Variants in FZD7 observed in about 807,000 individuals in gnomAD.
FZD7 encodes frizzled-7.
FZD7 carries 21 observed loss-of-function variants against 39.0 expected under a neutral mutation model. The ratio of observed to expected loss-of-function variants is 0.54; its 90% CI spans 0.38 to 0.78. The LOEUF is 0.78. Ranked by LOEUF, FZD7 falls within the 30% of genes least tolerant of loss-of-function variation. The pLI is 0.00. For missense variants in FZD7, 695 were observed against 805.0 expected (o/e 0.86, Z 1.65); for synonymous variants, 428 against 364.9 (o/e 1.17, Z -1.97).
Position 202,035,045 on chromosome 2 carries a change from C to T in FZD7, c.398C>T (p.Ala133Val). 6.2e-7 allele frequency: 1 copy of T among 1,612,902 alleles called. No homozygotes were observed. The highest frequency in any genetic ancestry group is 8.5e-7 in the Non-Finnish European group (1 of 1,179,786). Residue 133 changes from alanine (A) to valine (V), a missense_variant, in exon 1 of 1, where the codon GCG becomes GTG. Coordinates refer to ENST00000286201, the MANE Select transcript of FZD7 (RefSeq NM_003507.2). ...GAGCGCGCCCGCCAGGGCTGCGAGG[C>T]GCTCATGAACAAGTTCGGCTTCCAG... ...LCERARQGCE[A>V]LMNKFGFQWP...
rs576751377 is a variant in FZD7, at chr2:202,038,063, T to G, written c.*1691T>G. On this transcript the variant is annotated 3_prime_UTR_variant, in exon 1 of 1. Transcript: ENST00000286201. ...ACTATCCTGTTTCTCAGAACAGTTT[T>G]TAAATGCCAATCATAGAGGGTACTG... 6.0e-6 allele frequency: 1 copy of G among 167,216 alleles called. No homozygotes were observed. Among genetic ancestry groups the G allele is most frequent in the South Asian group, 2.1e-4 (1 of 4,826 alleles). The allele number at this position is 167,216 out of a possible 1,614,324, so 10.4% of individuals were successfully genotyped here.
Position 202,036,869 on chromosome 2 carries a change from A to C in FZD7, c.*497A>C, listed in dbSNP as rs974146273. 2 of 171,028 alleles carry C rather than the reference A, an allele frequency of 1.2e-5. No homozygotes were observed. Among genetic ancestry groups the C allele is most frequent in the Non-Finnish European group, 2.8e-5 (2 of 70,820 alleles). The allele number at this position is 171,028 out of a possible 1,614,324, so 10.6% of individuals were successfully genotyped here. On this transcript the variant is annotated 3_prime_UTR_variant, in exon 1 of 1. Coordinates refer to ENST00000286201, the MANE Select transcript of FZD7 (RefSeq NM_003507.2). Reference sequence around the variant, plus strand: ...GCTTGTCAAGCAGTGGTCAAACCATAATCTCTTTTCACTGGGGCCAAACTG... The same window carrying C: ...GCTTGTCAAGCAGTGGTCAAACCATCATCTCTTTTCACTGGGGCCAAACTG...
At position 202,036,386 on chromosome 2, in the gene FZD7, C is replaced by G; in HGVS notation, c.*14C>G. 6.3e-7 allele frequency: 1 copy of G among 1,577,584 alleles called. No individual in the cohort carries two copies. The highest frequency in any genetic ancestry group is 8.7e-7 in the Non-Finnish European group (1 of 1,154,606). ...ACTGCGGTATGAGCCCCGGCCCCTC[C>G]CCACCTTTCCCACCCCAGCCCTCTT... On this transcript the variant is annotated 3_prime_UTR_variant, in exon 1 of 1. Transcript: ENST00000286201.
rs367875554 is a variant in FZD7 at position 202,036,410 on chromosome 2, T to C, written c.*38T>C. The C allele has an allele frequency of 3.6e-5, 54 of 1,504,592 alleles. No homozygotes were observed. The highest frequency in any genetic ancestry group is 3.5e-4 in the Middle Eastern group (2 of 5,674). 93.2% of individuals were successfully genotyped at this position (1,504,592 alleles called of 1,614,324 possible). ...CCCCACCTTTCCCACCCCAGCCCTCTTGCAAGAGGAGAGGCACGGTAGGGA... is the reference window on the plus strand; with the variant it reads ...CCCCACCTTTCCCACCCCAGCCCTCCTGCAAGAGGAGAGGCACGGTAGGGA... On this transcript the variant is annotated 3_prime_UTR_variant, in exon 1 of 1. Coordinates refer to ENST00000286201, the MANE Select transcript of FZD7 (RefSeq NM_003507.2).
rs965183725 is a variant in FZD7 at position 202,034,323 on chromosome 2, C to T, written c.-325C>T. On this transcript the variant is annotated 5_prime_UTR_variant, in exon 1 of 1. Coordinates refer to ENST00000286201, the MANE Select transcript of FZD7 (RefSeq NM_003507.2). Reference sequence around the variant, plus strand: ...CAAACTTTGAAGGGTGCCGGAGCCGCTTGTTGCTCCTCGCGGCGGAGGGAG... The same window carrying T: ...CAAACTTTGAAGGGTGCCGGAGCCGTTTGTTGCTCCTCGCGGCGGAGGGAG... Among the ~76,000 whole-genome samples the T allele has an allele frequency of 6.6e-6, 1 of 151,928 alleles. No homozygotes were observed. The highest frequency in any genetic ancestry group is 1.9e-4 in the East Asian group (1 of 5,150).
Position 202,035,776 on chromosome 2 carries a change from A to G in FZD7, c.1129A>G (p.Asn377Asp), listed in dbSNP as rs1340237363. The G allele has an allele frequency of 6.2e-7, 1 of 1,614,136 alleles. No homozygotes were observed. Among genetic ancestry groups the G allele is most frequent in the East Asian group, 2.2e-5 (1 of 44,876 alleles). Residue 377 changes from asparagine to aspartate, a missense_variant, in exon 1 of 1, where the codon AAC becomes GAC. Coordinates refer to ENST00000286201, the MANE Select transcript of FZD7 (RefSeq NM_003507.2). Reference protein sequence around the residue: ...MKWGHEAIEANSQYFHLAAWA... With the variant: ...MKWGHEAIEADSQYFHLAAWA... Reference sequence around the variant, plus strand: ...GTGGGGCCACGAGGCCATCGAGGCCAACTCGCAGTACTTCCACCTGGCCGC... The same window carrying G: ...GTGGGGCCACGAGGCCATCGAGGCCGACTCGCAGTACTTCCACCTGGCCGC...
rs932729482 is a variant in FZD7, at chr2:202,036,478, C to A, written c.*106C>A. 3 of 879,426 alleles carry A rather than the reference C, an allele frequency of 3.4e-6. No individual in the cohort carries two copies. The highest frequency in any genetic ancestry group is 3.4e-5 in the African/African-American group (2 of 59,336). 54.5% of individuals were successfully genotyped at this position (879,426 alleles called of 1,614,324 possible). On this transcript the variant is annotated 3_prime_UTR_variant, in exon 1 of 1. Coordinates refer to ENST00000286201, the MANE Select transcript of FZD7 (RefSeq NM_003507.2). ...GGGCCTGTTTCTGTAACTTTCTCCC[C>A]CTCTACTGAGAAGTGACCTGGAAGT...
In FZD7 at chr2:202,034,920, G is replaced by A. The variant is rs1355713235; in HGVS notation, c.273G>A (p.Lys91=). Residue 91 remains lysine, a synonymous_variant, in exon 1 of 1, where the codon AAG becomes AAA. Transcript: ENST00000286201. ...LEVHQFYPLV[K]VQCSPELRFF... is the part of the protein sequence containing the mutation. ...TGCACCAGTTCTACCCGCTGGTGAA[G>A]GTGCAGTGTTCTCCCGAACTCCGCT... 1.9e-6 allele frequency: 3 copies of A among 1,614,238 alleles called. No individual in the cohort carries two copies. The highest frequency in any genetic ancestry group is 1.7e-5 in the Admixed American group (1 of 60,038).
At position 202,035,376 on chromosome 2, in the gene FZD7, G is replaced by C; in HGVS notation, c.729G>C (p.Met243Ile). ...AACCGGGCCGTGCCAACGGCCTGAT[G>C]TACTTTAAGGAGGAGGAGAGGCGCT... ...PCEPGRANGLMYFKEEERRFA... is the reference protein window; with the variant it reads ...PCEPGRANGLIYFKEEERRFA... The change falls in exon 1 of 1, where the codon ATG becomes ATC. Residue 243 changes from methionine to isoleucine, a missense_variant. Coordinates refer to ENST00000286201, the MANE Select transcript of FZD7 (RefSeq NM_003507.2). 6.2e-7 allele frequency: 1 copy of C among 1,613,180 alleles called. No individual in the cohort carries two copies. The highest frequency in any genetic ancestry group is 8.5e-7 in the Non-Finnish European group (1 of 1,179,966).
chr2:202,036,298 G>A lies in FZD7; in HGVS notation c.1651G>A (p.Gly551Ser). 2.5e-6 allele frequency: 4 copies of A among 1,613,254 alleles called. No homozygotes were observed. The highest frequency in any genetic ancestry group is 2.2e-5 in the East Asian group (1 of 44,868). The change falls in exon 1 of 1, where the codon GGC becomes AGC. Residue 551 changes from glycine to serine, a missense_variant. Transcript: ENST00000286201. ...GITTGFWIWSGKTLQSWRRFY... is the reference protein window; with the variant it reads ...GITTGFWIWSSKTLQSWRRFY... The stretch of plus-strand genomic sequence containing the variant: ...CACCACTGGCTTCTGGATCTGGTCG[G>A]GCAAGACCCTGCAGTCGTGGCGCCG...
Position 202,035,370 on chromosome 2 carries a change from C to T in FZD7, c.723C>T (p.Gly241=), listed in dbSNP as rs781734323. Residue 241 remains glycine (G), a synonymous_variant, in exon 1 of 1, where the codon GGC becomes GGT. Transcript: ENST00000286201. ...GAPCEPGRAN[G]LMYFKEEERR... ...CGTGCGAACCGGGCCGTGCCAACGG[C>T]CTGATGTACTTTAAGGAGGAGGAGA... 3.6e-5 allele frequency: 58 copies of T among 1,612,970 alleles called. No individual in the cohort carries two copies. The highest frequency in any genetic ancestry group is 4.5e-5 in the East Asian group (2 of 44,892).
In FZD7 at chr2:202,036,167, C is replaced by A; in HGVS notation, c.1520C>A (p.Thr507Lys). ...TGGGAGCGCACCTGGCTCCTGCAGA[C>A]GTGCAAGAGCTATGCCGTGCCCTGC... ...EHWERTWLLQ[T>K]CKSYAVPCPP... Residue 507 changes from threonine (T) to lysine (K), a missense_variant, in exon 1 of 1, where the codon ACG (threonine) becomes AAG (lysine). Transcript: ENST00000286201. The A allele has an allele frequency of 1.2e-6, 2 of 1,613,454 alleles. No individual in the cohort carries two copies. Among genetic ancestry groups the A allele is most frequent in the Non-Finnish European group, 1.7e-6 (2 of 1,179,892 alleles).
chr2:202,035,164 G>A lies in FZD7; in HGVS notation c.517G>A (p.Gly173Ser), dbSNP rs1688716704. ...QNTSDGSGGPGGGPTAYPTAP... is the reference protein window; with the variant it reads ...QNTSDGSGGPSGGPTAYPTAP... ...CACGTCGGACGGCTCCGGGGGCCCA[G>A]GCGGCGGCCCCACTGCCTACCCTAC... Residue 173 changes from glycine (G) to serine (S), a missense_variant, in exon 1 of 1, where the codon GGC becomes AGC. By Grantham distance (56) the Gly-to-Ser change is moderately conservative (BLOSUM62 0). Coordinates refer to ENST00000286201, the MANE Select transcript of FZD7 (RefSeq NM_003507.2). 1.2e-6 allele frequency: 2 copies of A among 1,601,772 alleles called. No homozygotes were observed. Among genetic ancestry groups the A allele is most frequent in the African/African-American group, 2.7e-5 (2 of 74,918 alleles).
Position 202,035,181 on chromosome 2 carries a change from C to T in FZD7, c.534C>T (p.Ala178=), listed in dbSNP as rs756389140. 4 of 1,600,706 alleles carry T rather than the reference C, an allele frequency of 2.5e-6. No individual in the cohort carries two copies. Among genetic ancestry groups the T allele is most frequent in the South Asian group, 1.1e-5 (1 of 90,950 alleles). Residue 178 remains alanine (A), a synonymous_variant, in exon 1 of 1, where the codon GCC becomes GCT. Coordinates refer to ENST00000286201, the MANE Select transcript of FZD7 (RefSeq NM_003507.2). ...GGGGCCCAGGCGGCGGCCCCACTGC[C>T]TACCCTACCGCGCCCTACCTGCCGG... ...GSGGPGGGPT[A]YPTAPYLPDL...
Position 202,036,226 on chromosome 2 carries a change from T to G in FZD7, c.1579T>G (p.Phe527Val). The G allele has an allele frequency of 4.3e-6, 7 of 1,613,538 alleles. No homozygotes were observed. Among genetic ancestry groups the G allele is most frequent in the Non-Finnish European group, 5.9e-6 (7 of 1,179,984 alleles). Residue 527 changes from phenylalanine to valine, a missense_variant, in exon 1 of 1, where the codon TTC becomes GTC. Coordinates refer to ENST00000286201, the MANE Select transcript of FZD7 (RefSeq NM_003507.2). ...CCACTTCCCGCCCATGAGCCCCGAC[T>G]TCACCGTCTTCATGATCAAGTACCT... ...PGHFPPMSPD[F>V]TVFMIKYLMT...
At position 202,034,795 on chromosome 2, in the gene FZD7, C is replaced by T. The variant is rs1688709678; in HGVS notation, c.148C>T (p.Gln50Ter). The T allele has an allele frequency of 6.2e-7, 1 of 1,613,306 alleles. No homozygotes were observed. Reference sequence around the variant, plus strand: ...CTCCGTGCCGGACCACGGCTTCTGCCAGCCCATCTCCATCCCGCTGTGCAC... The same window carrying T: ...CTCCGTGCCGGACCACGGCTTCTGCTAGCCCATCTCCATCCCGCTGTGCAC... ...GISVPDHGFC[Q>*]PISIPLCTDI... The change falls in exon 1 of 1, where the codon CAG becomes TAG. Residue 50 changes from glutamine to a stop codon, truncating the protein, a stop_gained. Transcript: ENST00000286201. LOFTEE classifies it high-confidence loss of function.
rs1332192176 is a variant in FZD7 at position 202,033,947 on chromosome 2, C to T, written c.-701C>T. On this transcript the variant is annotated 5_prime_UTR_variant, in exon 1 of 1. Transcript: ENST00000286201. ...TGGGGCTGCGAGGGGCTGGAGGGGC[C>T]GGGGCCAGGCCGCGGGCACGAGCGC... is the stretch of plus-strand genomic sequence containing the variant. Among the ~76,000 whole-genome samples, 1 of 149,914 alleles carries T rather than the reference C, an allele frequency of 6.7e-6. No homozygotes were observed. The highest frequency in any genetic ancestry group is 2.4e-5 in the African/African-American group (1 of 40,822).
In FZD7 at chr2:202,034,517, C is replaced by T. The variant is rs2105894018; in HGVS notation, c.-131C>T. The T allele has an allele frequency of 5.5e-6, 4 of 724,180 alleles. No homozygotes were observed. The highest frequency in any genetic ancestry group is 3.2e-5 in the South Asian group (1 of 31,040). 44.9% of individuals were successfully genotyped at this position (724,180 alleles called of 1,614,324 possible). A position where few individuals can be genotyped will look rare whatever the true frequency, so the allele number is the denominator to read the frequency against. ...GGCAGCGCCCTTTGCTCCACGCCGC[C>T]CACGGCCCGGCCCCGGCGCCGTGAG... On this transcript the variant is annotated 5_prime_UTR_variant, in exon 1 of 1. Coordinates refer to ENST00000286201, the MANE Select transcript of FZD7 (RefSeq NM_003507.2).
rs138410404 is a variant in FZD7, at chr2:202,035,863, C to A, written c.1216C>A (p.Leu406Met). The A allele has an allele frequency of 6.2e-7, 1 of 1,614,158 alleles. No individual in the cohort carries two copies. The highest frequency in any genetic ancestry group is 1.7e-5 in the Admixed American group (1 of 60,034). ...GGCCATGGGCCAGGTAGACGGGGAC[C>A]TGCTGAGCGGGGTGTGCTACGTTGG... Reference protein sequence around the residue: ...ILAMGQVDGDLLSGVCYVGLS... With the variant: ...ILAMGQVDGDMLSGVCYVGLS... Residue 406 changes from leucine to methionine, a missense_variant, in exon 1 of 1, where the codon CTG becomes ATG. Leu to Met is a conservative substitution (Grantham distance 15, BLOSUM62 2). Transcript: ENST00000286201.
Sources: allele counts gnomAD v4.1 joint callset (sites outside exome capture counted in the v4.1 genomes callset), GRCh38; gene constraint gnomAD v4.1.1; transcripts MANE v1.5; gene names NCBI Gene and HGNC (gene_info 2026-07-23, HGNC 2026-07-21).